MSI2: variants seen among roughly 807,000 people sequenced by gnomAD.
The protein encoded by MSI2 is RNA-binding protein Musashi homolog 2.
In MSI2, 17 loss-of-function variants were observed where a neutral mutation model predicts 45.6. The ratio of observed to expected loss-of-function variants is 0.37; its 90% CI spans 0.26 to 0.56. The LOEUF is 0.56. MSI2 is among the 20% of genes least tolerant of loss of function. The pLI, the probability that MSI2 is intolerant of heterozygous loss-of-function variation, is 0.77. For missense variants in MSI2, 293 were observed against 444.2 expected (o/e 0.66, Z 3.06); for synonymous variants, 156 against 158.2 (o/e 0.99, Z 0.11).
intron 6 of MSI2, among the ~76,000 whole-genome samples, chr17:57,503,325 TA>T (rs1259683087): frequency 3.9e-5 from 6 of 152,266 alleles, no homozygotes; most frequent in East Asian, 1.9e-4. Context: ...GCATGTGATT[TA>T]TTTTTTTATT....
At chr17:57,666,188 G>GGACAACTGA (rs1389331669) in intron 11 of MSI2, among the ~76,000 whole-genome samples, 31 of 152,194 alleles carry the variant, frequency 2.0e-4, no homozygotes, top group African/African-American at 6.8e-4. Context: ...ATTCCAGAAG[G>GGACAACTGA]GACAACTGAG....
chr17:57,373,433 T>G (rs1228236702), intron 5 of MSI2, among the ~76,000 whole-genome samples: 2 of 152,198 alleles, frequency 1.3e-5, no homozygotes, highest in Non-Finnish European at 2.9e-5. Context: ...TGATCTATTT[T>G]TTAAAAACAA....
chr17:57,608,953 C>T (rs1413744511), intron 8 of MSI2, among the ~76,000 whole-genome samples: 1 of 152,124 alleles, frequency 6.6e-6, no homozygotes. Context: ...AGAAAAAAGG[C>T]TGTGGCCACT....
intron 5 of MSI2, among the ~76,000 whole-genome samples, chr17:57,342,105 C>G (rs547296000): frequency 1.3e-5 from 2 of 152,300 alleles, no homozygotes; most frequent in South Asian, 2.1e-4. Context: ...CTGCCTTTGT[C>G]TCTCCTCTCA....
rs943166060 is a variant in MSI2 at position 57,527,470 on chromosome 17, G to GC, written c.406-2206_406-2205insC. Among the ~76,000 whole-genome samples the GC allele has an allele frequency of 4.1e-5, 6 of 145,028 alleles. No homozygotes were observed. The East Asian group carries it at 6.0e-4, about 15-fold the overall frequency. On this transcript the variant is annotated intron_variant, in intron 6 of 13. Coordinates refer to ENST00000284073, the MANE Select transcript of MSI2 (RefSeq NM_138962.4). ...GGCCCCAGCAGGTTACCGTCGGCGG[G>GC]GGCTCTTGAAGCCTGCCCAAAAGGA...
intron 7 of MSI2, among the ~76,000 whole-genome samples, chr17:57,541,380 G>C (rs534389653): frequency 6.6e-6 from 1 of 152,082 alleles, no homozygotes; most frequent in African/African-American, 2.4e-5. Flanking sequence ...GAAAAAGAAC[G>C]AAAGGAAGAA....
chr17:57,264,275 A>T (rs1046470105), intron 5 of MSI2: 1 of 151,958 alleles, frequency 6.6e-6, no homozygotes, highest in Non-Finnish European at 1.5e-5. Flanking sequence ...TTTCCATCTC[A>T]TAGAGTTTTT....
chr17:57,258,288 G>T lies in MSI2; in HGVS notation c.204G>T (p.Thr68=), dbSNP rs1437416176. Residue 68 remains threonine (T), a synonymous_variant, in exon 4 of 14, where the codon ACG becomes ACT. Transcript: ENST00000284073. The stretch of plus-strand genomic sequence containing the variant: ...CTTTCAGAGGCTTCGGTTTCGTCAC[G>T]TTCGCAGACCCAGCAAGTGTAGATA... ...TKRSRGFGFV[T]FADPASVDKV... is the part of the protein sequence containing the mutation. The T allele has an allele frequency of 1.9e-6, 3 of 1,614,112 alleles. No individual in the cohort carries two copies. The South Asian group carries it at 3.3e-5, about 18-fold the overall frequency.
At chr17:57,605,724 G>A (rs1053520113) in intron 8 of MSI2, among the ~76,000 whole-genome samples, 4 of 152,186 alleles carry the variant, frequency 2.6e-5, no homozygotes, top group African/African-American at 9.7e-5. Context: ...GTTTCCCCAG[G>A]GCCTGGGAGT....
At chr17:57,631,979 T>G in intron 10 of MSI2, 1 of 1,439,460 alleles carries the variant, frequency 6.9e-7, no homozygotes, top group South Asian at 1.5e-5. Flanking sequence ...TTTTCTCATT[T>G]TTAATTCTTG....
chr17:57,346,637 G>T (rs535069281), intron 5 of MSI2, among the ~76,000 whole-genome samples: 3 of 151,812 alleles, frequency 2.0e-5, no homozygotes, highest in Non-Finnish European at 2.9e-5. Context: ...TTTAGACAGG[G>T]TCTCACTGCA....
At chr17:57,535,894 G>A (rs2086910966) in intron 7 of MSI2, among the ~76,000 whole-genome samples, 1 of 152,204 alleles carries the variant, frequency 6.6e-6, no homozygotes, top group African/African-American at 2.4e-5. Context: ...TTAAAATGGT[G>A]CCAGTAAGAT....
intron 5 of MSI2, among the ~76,000 whole-genome samples, chr17:57,354,582 T>G (rs923712848): frequency 4.4e-4 from 67 of 152,176 alleles, no homozygotes; most frequent in African/African-American, 1.4e-3. Context: ...GAGGGAATGG[T>G]CGCCAGAACT....
intron 6 of MSI2, among the ~76,000 whole-genome samples, chr17:57,474,645 C>G (rs1377888542): frequency 6.6e-6 from 1 of 152,196 alleles, no homozygotes; most frequent in Admixed American, 6.5e-5. Context: ...CTGCCCAGTG[C>G]CTGCCCCATG....
At chr17:57,295,982 C>T (rs774958226) in intron 5 of MSI2, among the ~76,000 whole-genome samples, 3 of 125,988 alleles carry the variant, frequency 2.4e-5, no homozygotes, top group African/African-American at 6.2e-5. Flanking sequence ...TACCAGTTCA[C>T]GCAGCCTTCC....
intron 5 of MSI2, among the ~76,000 whole-genome samples, chr17:57,290,862 G>C (rs542135944): frequency 6.6e-6 from 1 of 152,208 alleles, no homozygotes; most frequent in African/African-American, 2.4e-5. Flanking sequence ...AAGGGCCCCC[G>C]TGTCATCACA....
At chr17:57,659,075 G>GGTTT (rs1911806749) in intron 11 of MSI2, among the ~76,000 whole-genome samples, 1 of 151,742 alleles carries the variant, frequency 6.6e-6, no homozygotes, top group Admixed American at 6.6e-5. Context: ...TTGGTTGGTT[G>GGTTT]GTTGGTTTGT....
chr17:57,346,822 G>T (rs1401261745), intron 5 of MSI2, among the ~76,000 whole-genome samples: 1 of 152,096 alleles, frequency 6.6e-6, no homozygotes, highest in Admixed American at 6.6e-5. Flanking sequence ...GTCCAGGCTG[G>T]TCTCAAACTC....
chr17:57,542,073 TC>T (rs2087061022), intron 7 of MSI2, among the ~76,000 whole-genome samples: 1 of 152,276 alleles, frequency 6.6e-6, no homozygotes, highest in Admixed American at 6.5e-5. Context: ...CATCATCTAT[TC>T]GGGACCCAGA....
Sources: allele counts gnomAD v4.1 joint callset (sites outside exome capture counted in the v4.1 genomes callset), GRCh38; gene constraint gnomAD v4.1.1; transcripts MANE v1.5; gene names NCBI Gene and HGNC (gene_info 2026-07-23, HGNC 2026-07-21).